Variants in PBLD observed in about 807,000 individuals in gnomAD.
PBLD encodes phenazine biosynthesis like protein domain containing, also known as phenazine biosynthesis-like domain-containing protein.
In PBLD, 26 loss-of-function variants were observed where a neutral mutation model predicts 31.3. The ratio of observed to expected loss-of-function variants is 0.83; its 90% CI spans 0.61 to 1.15. The LOEUF (loss-of-function observed/expected upper bound fraction) is 1.15. Ranked by LOEUF, PBLD falls within the 50% of genes most tolerant of loss-of-function variation. The pLI is 0.00. For synonymous variants in PBLD, 114 were observed against 129.0 expected (o/e 0.88, Z 0.79); for missense variants, 307 against 351.7 (o/e 0.87, Z 1.02).
chr10:68,315,499 C>T (rs1436630689), intron 1 of PBLD, among the ~76,000 whole-genome samples: 3 of 151,244 alleles, frequency 2.0e-5, no homozygotes, highest in Non-Finnish European at 2.9e-5. Context: ...GCAGGAGAAT[C>T]GCTTGAACCT....
rs2044254549 is a variant in PBLD, at chr10:68,283,773, T to C, written c.*404A>G. 5.8e-6 allele frequency: 1 copy of C among 173,812 alleles called. No homozygotes were observed. The highest frequency in any genetic ancestry group is 1.4e-4 in the South Asian group (1 of 7,374). 10.8% of individuals were successfully genotyped at this position (173,812 alleles called of 1,614,324 possible). ...TGTGTGTGTGTGTGTGTGGATGGAG[T>C]CTTACTCTGTTGCCCAGGCTGGAGT... On this transcript the variant is annotated 3_prime_UTR_variant, in exon 10 of 10. Transcript: ENST00000358769.
At chr10:68,317,161 A>G (rs2044747009) in intron 1 of PBLD, among the ~76,000 whole-genome samples, 1 of 152,256 alleles carries the variant, frequency 6.6e-6, no homozygotes, top group Non-Finnish European at 1.5e-5. Flanking sequence ...CAAAGCAAGA[A>G]TATAGACCAA....
chr10:68,319,582 G>A (rs1310777068), intron 1 of PBLD, among the ~76,000 whole-genome samples: 1 of 151,894 alleles, frequency 6.6e-6, no homozygotes, highest in East Asian at 2.0e-4. Context: ...TTAGCCAGGT[G>A]TGGTGGTGTG....
At chr10:68,309,693 A>G (rs531343048) in intron 1 of PBLD, among the ~76,000 whole-genome samples, 1 of 148,840 alleles carries the variant, frequency 6.7e-6, no homozygotes, top group Non-Finnish European at 1.5e-5. Flanking sequence ...CTGTAATCCC[A>G]GCTACTAGGG....
At position 68,292,130 on chromosome 10, in the gene PBLD, T is replaced by G; in HGVS notation, c.392A>C (p.Gln131Pro). 1 of 1,612,136 alleles carries G rather than the reference T, an allele frequency of 6.2e-7. No individual in the cohort carries two copies. The highest frequency in any genetic ancestry group is 8.5e-7 in the Non-Finnish European group (1 of 1,178,370). Residue 131 changes from glutamine to proline, a missense_variant and splice_region_variant, in exon 5 of 10, where the codon CAG becomes CCG. Coordinates refer to ENST00000358769, the MANE Select transcript of PBLD (RefSeq NM_022129.4). ...LDLPLYPAHPQDFHEVEDLIK... is the reference protein window; with the variant it reads ...LDLPLYPAHPPDFHEVEDLIK... ...GGGCAATAATTACAAAGAGCTGACC[T>G]GGGGGTGGGCTGGATAAAGAGGCAA...
intron 1 of PBLD, among the ~76,000 whole-genome samples, chr10:68,313,326 A>G (rs1034826193): frequency 2.0e-5 from 3 of 152,108 alleles, no homozygotes; most frequent in Non-Finnish European, 4.4e-5. Flanking sequence ...TGCTGTACAG[A>G]AGCTTTTTAG....
chr10:68,326,931 C>G (rs1303066914), intron 1 of PBLD, among the ~76,000 whole-genome samples: 1 of 152,138 alleles, frequency 6.6e-6, no homozygotes, highest in African/African-American at 2.4e-5. Flanking sequence ...CCTGTAATTC[C>G]AGCTACTCGG....
chr10:68,318,053 C>T (rs564988265), intron 1 of PBLD, among the ~76,000 whole-genome samples: 45 of 152,058 alleles, frequency 3.0e-4, no homozygotes, highest in Admixed American at 1.6e-3. Context: ...CAGGGAAACC[C>T]CGTCTCTACT....
intron 8 of PBLD, among the ~76,000 whole-genome samples, chr10:68,286,853 T>C (rs1304562374): frequency 2.2e-4 from 16 of 72,440 alleles, no homozygotes; most frequent in African/African-American, 8.6e-5. Flanking sequence ...GGAAAACCTA[T>C]GAAGTGTTAT....
At chr10:68,319,520 TA>T (rs1438139756) in intron 1 of PBLD, among the ~76,000 whole-genome samples, 1 of 151,858 alleles carries the variant, frequency 6.6e-6, no homozygotes, top group African/African-American at 2.4e-5. Flanking sequence ...CCGTCTCTAC[TA>T]AAAATACAAA....
intron 4 of PBLD, among the ~76,000 whole-genome samples, chr10:68,295,218 C>T (rs143510206): frequency 0.015 from 2,225 of 152,202 alleles, 58 homozygotes; most frequent in African/African-American, 0.051. Context: ...ATTGGCCGGG[C>T]GTGGTGGCTC....
chr10:68,319,097 AAG>A (rs765017321), intron 1 of PBLD, among the ~76,000 whole-genome samples: 2 of 134,898 alleles, frequency 1.5e-5, no homozygotes, highest in Non-Finnish European at 3.1e-5. Context: ...GAAAGAAAGA[AAG>A]AAAGAAAGAA....
At chr10:68,286,703 TA>T (rs1372363933) in intron 8 of PBLD, among the ~76,000 whole-genome samples, 1 of 152,190 alleles carries the variant, frequency 6.6e-6, no homozygotes, top group African/African-American at 2.4e-5. Flanking sequence ...ACTTCTTTTT[TA>T]GTGAGGTATT....
intron 4 of PBLD, among the ~76,000 whole-genome samples, chr10:68,292,937 T>A (rs189642399): frequency 1.3e-5 from 2 of 152,138 alleles, no homozygotes; most frequent in Non-Finnish European, 2.9e-5. Context: ...ACTGGCTCAC[T>A]GCAGCCTTGA....
At chr10:68,293,211 G>A (rs2044382358) in intron 4 of PBLD, among the ~76,000 whole-genome samples, 1 of 152,142 alleles carries the variant, frequency 6.6e-6, no homozygotes, top group Non-Finnish European at 1.5e-5. Context: ...CAACCATAGA[G>A]TCATAACCTC....
chr10:68,329,902 G>C (rs1423452795), intron 1 of PBLD, among the ~76,000 whole-genome samples: 1 of 152,094 alleles, frequency 6.6e-6, no homozygotes, highest in Non-Finnish European at 1.5e-5. Context: ...TCCAATTCTA[G>C]CTCTACCACT....
At chr10:68,295,549 A>G (rs146241545) in intron 4 of PBLD, among the ~76,000 whole-genome samples, 67 of 152,262 alleles carry the variant, frequency 4.4e-4, no homozygotes, top group African/African-American at 1.5e-3. Context: ...ATGAATTTCA[A>G]TGTGGGAGCG....
intron 1 of PBLD, among the ~76,000 whole-genome samples, chr10:68,322,408 C>T (rs1352205616): frequency 6.6e-6 from 1 of 151,728 alleles, no homozygotes; most frequent in African/African-American, 2.4e-5. Context: ...CAACTGTAAT[C>T]CTAGCACTTT....
At chr10:68,297,120 G>T in intron 2 of PBLD, 135 bp from the exon 3 acceptor site, 1 of 700,762 alleles carries the variant, frequency 1.4e-6, no homozygotes, top group Non-Finnish European at 2.4e-6. Flanking sequence ...AATTACCAAG[G>T]AATTCAAGGC....
Sources: gnomAD v4.1 joint callset for allele counts (sites outside exome capture counted in the v4.1 genomes callset) on GRCh38, gnomAD v4.1.1 for gene constraint, MANE v1.5 for transcripts, NCBI Gene and HGNC (gene_info 2026-07-23, HGNC 2026-07-21) for gene names.